The following XPO5 variants were observed in gnomAD, a reference collection of about 807,000 sequenced individuals.
The protein encoded by XPO5 is exportin 5.
XPO5 carries 46 observed loss-of-function variants against 160.6 expected under a neutral mutation model. The observed-to-expected ratio is 0.29, with a 90% CI of 0.23 to 0.37. XPO5 has a LOEUF of 0.37. XPO5 is among the 10% of genes least tolerant of loss of function. The probability of loss-of-function intolerance (pLI) is 1.00; values close to 1 mark genes in which losing one functional copy is unlikely to be tolerated. For missense variants in XPO5, 1,090 were observed against 1,463.9 expected (o/e 0.74, Z 4.17); for synonymous variants, 537 against 519.3 (o/e 1.03, Z -0.46).
At chr6:43,528,755 G>A (rs1041777296) in intron 24 of XPO5, 73 bp downstream of exon 24, 1 of 1,424,042 alleles carries the variant, frequency 7.0e-7, no homozygotes, top group South Asian at 1.2e-5. Flanking sequence ...AGGAGCTCCT[G>A]ACTTGCAAAG....
At chr6:43,537,947 A>T (rs1794443429) in intron 20 of XPO5, among the ~76,000 whole-genome samples, 1 of 151,532 alleles carries the variant, frequency 6.6e-6, no homozygotes, top group Non-Finnish European at 1.5e-5. Context: ...GCACACCTGT[A>T]ATCCCAGCTA....
intron 20 of XPO5, among the ~76,000 whole-genome samples, chr6:43,536,524 C>T (rs895758321): frequency 3.3e-5 from 5 of 151,120 alleles, no homozygotes; most frequent in Non-Finnish European, 7.4e-5. Context: ...TTTAGGAAGC[C>T]GAGGTGGGTG....
Position 43,523,911 on chromosome 6 carries a change from A to G in XPO5, c.3572T>C (p.Leu1191Pro). The G allele has an allele frequency of 6.2e-7, 1 of 1,614,036 alleles. No individual in the cohort carries two copies. Among genetic ancestry groups the G allele is most frequent in the Non-Finnish European group, 8.5e-7 (1 of 1,179,904 alleles). The change falls in exon 32 of 32, where the codon CTG becomes CCG. Residue 1191 changes from leucine to proline, a missense_variant. By Grantham distance (98) the Leu-to-Pro change is moderately conservative. Coordinates refer to ENST00000265351, the MANE Select transcript of XPO5 (RefSeq NM_020750.3). ...GGCCAGGCCACCCCCATCATTGTCC[A>G]GCACCTCCGTCTCCAGCATTGGCTT... is the stretch of plus-strand genomic sequence containing the variant. The part of the protein sequence containing the change: ...KTKPMLETEV[L>P]DNDGGGLATI...
Position 43,528,168 on chromosome 6 carries a change from C to T in XPO5, c.2813G>A (p.Ser938Asn), listed in dbSNP as rs758485336. Residue 938 changes from serine (S) to asparagine (N), a missense_variant, in exon 25 of 32, where the codon AGC (serine) becomes AAC (asparagine). Physicochemically the swap from Ser to Asn is conservative, Grantham distance 46. Around this residue, in one of 3 missense-constraint regions of XPO5, gnomAD observed 810 missense variants for 1,139.0 expected, o/e 0.71. Transcript: ENST00000265351. ...SQKWQVINQR[S>N]LLCGEDEAAD... The stretch of plus-strand genomic sequence containing the variant: ...GGTAGGTATCCCTTACCACAGCAGG[C>T]TCCTTTGGTTGATAACTTGCCATTT... 1 of 1,593,796 alleles carries T rather than the reference C, an allele frequency of 6.3e-7. No individual in the cohort carries two copies. The highest frequency in any genetic ancestry group is 1.1e-5 in the South Asian group (1 of 87,272).
At chr6:43,558,260 T>C (rs560376942) in intron 12 of XPO5, among the ~76,000 whole-genome samples, 11 of 152,262 alleles carry the variant, frequency 7.2e-5, no homozygotes, top group African/African-American at 9.6e-5. Context: ...GTCTTAAGTA[T>C]GGTTACCATC....
chr6:43,526,919 T>A, intron 26 of XPO5, 172 bp from the exon 27 acceptor site: 1 of 642,556 alleles, frequency 1.6e-6, no homozygotes, highest in Non-Finnish European at 2.8e-6. Context: ...GGCATTCTGA[T>A]GACCGAACTG....
At chr6:43,566,357 G>A (rs1762695025) in intron 7 of XPO5, among the ~76,000 whole-genome samples, 1 of 151,988 alleles carries the variant, frequency 6.6e-6, no homozygotes, top group South Asian at 2.1e-4. Context: ...TTGCGCCACT[G>A]CACTCCAGCC....
intron 28 of XPO5, 68 bp from the exon 29 acceptor site, chr6:43,525,282 A>C: frequency 2.1e-6 from 3 of 1,428,946 alleles, no homozygotes; most frequent in Non-Finnish European, 2.8e-6. Flanking sequence ...ATTATTACAC[A>C]TCAGGAGCCG....
At position 43,548,235 on chromosome 6, in the gene XPO5, G is replaced by A. The variant is rs79831757; in HGVS notation, c.2060+26C>T. On this transcript the variant is annotated intron_variant, in intron 18 of 31. Coordinates refer to ENST00000265351, the MANE Select transcript of XPO5 (RefSeq NM_020750.3). ...CAAAATGGGTGCTTGAGTATAGTAA[G>A]AGTCAGGGCAAGGGATCTCCTTTAC... The A allele has an allele frequency of 6.7e-3, 10,468 of 1,556,902 alleles. 504 individuals are homozygous for A. In the African/African-American group the frequency reaches 0.11, roughly 17 times the overall value.
At chr6:43,527,524 G>T in intron 26 of XPO5, 110 bp downstream of exon 26, 3 of 1,078,026 alleles carry the variant, frequency 2.8e-6, no homozygotes, top group Non-Finnish European at 2.8e-6. Context: ...CACCATGCCC[G>T]CCGCAAACAT....
chr6:43,569,306 C>CAAAAAAAAAAAAAAAAAAAAAA, intron 5 of XPO5, among the ~76,000 whole-genome samples: 1 of 99,496 alleles, frequency 1.0e-5, no homozygotes, highest in Non-Finnish European at 2.1e-5. Context: ...AAAAAAAAAA[C>CAAAAAAAAAAAAAAAAAAAAAA]AACAAAAAAA....
At chr6:43,548,489 G>T in intron 17 of XPO5, 29 bp from the exon 18 acceptor site, 1 of 1,487,086 alleles carries the variant, frequency 6.7e-7, no homozygotes, top group Non-Finnish European at 9.0e-7. Flanking sequence ...AAAAGCCAGA[G>T]GTGGTAAAGG....
At chr6:43,548,493 G>A in intron 17 of XPO5, 33 bp from the exon 18 acceptor site, 1 of 1,475,024 alleles carries the variant, frequency 6.8e-7, no homozygotes, top group South Asian at 1.4e-5. Context: ...GCCAGAGGTG[G>A]TAAAGGTCTG....
intron 9 of XPO5, chr6:43,561,774 C>T (rs563635783): frequency 5.2e-5 from 8 of 153,830 alleles, no homozygotes; most frequent in African/African-American, 1.9e-4. Context: ...GTTCCAATGT[C>T]CTATCTTCCA....
In XPO5 at chr6:43,575,812, G is replaced by T; in HGVS notation, c.53C>A (p.Thr18Lys). 2 of 1,613,818 alleles carry T rather than the reference G, an allele frequency of 1.2e-6. No homozygotes were observed. Among genetic ancestry groups the T allele is most frequent in the Middle Eastern group, 1.6e-4 (1 of 6,062 alleles). ...GGTGGAGTTGGGGTCCATCATGACC[G>T]TCACCGCTTTCACCAGCTGCTCGCA... ...ALCEQLVKAVTVMMDPNSTQR... is the reference protein window; with the variant it reads ...ALCEQLVKAVKVMMDPNSTQR... Residue 18 changes from threonine to lysine, a missense_variant, in exon 1 of 32, where the codon ACG (threonine) becomes AAG (lysine). Physicochemically the swap from Thr to Lys is moderately conservative, Grantham distance 78. Coordinates refer to ENST00000265351, the MANE Select transcript of XPO5 (RefSeq NM_020750.3).
intron 16 of XPO5, 65 bp downstream of exon 16, chr6:43,549,828 G>GT (rs1384409586): frequency 2.0e-6 from 3 of 1,479,060 alleles, no homozygotes; most frequent in Non-Finnish European, 2.8e-6. Flanking sequence ...TATAAACTGA[G>GT]TATCAGGTAT....
At chr6:43,550,004 C>G (rs376800283) in intron 15 of XPO5, 70 bp from the exon 16 acceptor site, 74 of 1,523,094 alleles carry the variant, frequency 4.9e-5, no homozygotes, top group Non-Finnish European at 6.2e-5. Context: ...CTATGTTGCC[C>G]AGACTAGACT....
chr6:43,552,648 C>T (rs576443506), intron 14 of XPO5, among the ~76,000 whole-genome samples: 8 of 152,330 alleles, frequency 5.3e-5, no homozygotes, highest in Admixed American at 3.3e-4. Flanking sequence ...CTACTGCGCC[C>T]GGCTTATCAG....
In XPO5 at chr6:43,570,703, G is replaced by A. The variant is rs755036421; in HGVS notation, c.439-19C>T. 2.5e-6 allele frequency: 4 copies of A among 1,570,958 alleles called. No homozygotes were observed. Among genetic ancestry groups the A allele is most frequent in the Non-Finnish European group, 3.4e-6 (4 of 1,161,886 alleles). On this transcript the variant is annotated intron_variant, in intron 4 of 31. Transcript: ENST00000265351. ...GTGTTTCCTACACCAATAGAAATAAGCTAGTTAAAAACTAAAATATCTTTT... is the reference window on the plus strand; with the variant it reads ...GTGTTTCCTACACCAATAGAAATAAACTAGTTAAAAACTAAAATATCTTTT...
Sources: allele counts gnomAD v4.1 joint callset (sites outside exome capture counted in the v4.1 genomes callset), GRCh38; gene constraint gnomAD v4.1.1; regional missense constraint gnomAD v4.1.1; transcripts MANE v1.5; gene names NCBI Gene and HGNC (gene_info 2026-07-23, HGNC 2026-07-21).